The following PLEKHG4B variants were observed in gnomAD, a reference collection of about 807,000 sequenced individuals.
The protein encoded by PLEKHG4B is pleckstrin homology domain-containing family G member 4B.
PLEKHG4B carries 111 observed loss-of-function variants against 121.3 expected under a neutral mutation model. That is an observed-to-expected ratio of 0.92 (90% confidence interval 0.78 to 1.07). The LOEUF (loss-of-function observed/expected upper bound fraction) is 1.07, where lower values mean the gene tolerates loss of function less well. Among genes scored for constraint, PLEKHG4B ranks in the 50% least tolerant of loss-of-function variants. The pLI, the probability that PLEKHG4B is intolerant of heterozygous loss-of-function variation, is 0.00. For missense variants in PLEKHG4B, 1,831 were observed against 1,757.8 expected, an observed-to-expected ratio of 1.04 and a Z score of -0.74; for synonymous variants, 738 against 725.0, an observed-to-expected ratio of 1.02 and a Z score of -0.29.
At position 163,228 on chromosome 5, in the gene PLEKHG4B, C is replaced by T; in HGVS notation, c.3156C>T (p.His1052=). 1 of 1,605,400 alleles carries T rather than the reference C, an allele frequency of 6.2e-7. No homozygotes were observed. Among genetic ancestry groups the T allele is most frequent in the Non-Finnish European group, 8.5e-7 (1 of 1,176,250 alleles). ...GLPGAGATTA[H]LEDSSACSSE... is the part of the protein sequence containing the mutation. ...CAGGGGCAGGGGCCACCACGGCCCA[C>T]CTGGAGGACAGCTCTGCCTGTTCCT... Residue 1052 remains histidine (H), a synonymous_variant, in exon 13 of 20, where the codon CAC becomes CAT. Coordinates refer to ENST00000637938, the MANE Select transcript of PLEKHG4B (RefSeq NM_052909.5).
intron 17 of PLEKHG4B, 120 bp downstream of exon 17, chr5:173,187 G>A (rs773617239): frequency 1.3e-5 from 12 of 938,068 alleles, no homozygotes; most frequent in South Asian, 3.3e-5. Flanking sequence ...GGGAGGAGCC[G>A]CACTGCGATG....
chr5:155,504 G>T, intron 9 of PLEKHG4B, 61 bp downstream of exon 9: 2 of 1,299,354 alleles, frequency 1.5e-6, no homozygotes, highest in East Asian at 2.3e-5. Flanking sequence ...GGGCATAAAG[G>T]TTAGCCAAAC....
chr5:162,153 G>C (rs928987175), intron 12 of PLEKHG4B, among the ~76,000 whole-genome samples: 3 of 152,246 alleles, frequency 2.0e-5, no homozygotes, highest in African/African-American at 7.2e-5. Context: ...GTACCAAACA[G>C]ACCAGCCAAA....
At position 182,207 on chromosome 5, in the gene PLEKHG4B, G is replaced by A. The variant is rs1429412876; in HGVS notation, c.4768G>A (p.Asp1590Asn). ...CCCTGCCCACAGCCCCTGGTCATCT[G>A]ATATCAGAGCCTGCGTCGAGGAAGA... The part of the protein sequence containing the change: ...WSPAHSPWSS[D>N]IRACVEEDEP... The change falls in exon 20 of 20, where the codon GAT (aspartate) becomes AAT (asparagine). Residue 1590 changes from aspartate (D) to asparagine (N), a missense_variant. Asp to Asn is a conservative substitution (Grantham distance 23). Transcript: ENST00000637938. 1 of 1,613,800 alleles carries A rather than the reference G, an allele frequency of 6.2e-7. No homozygotes were observed. The highest frequency in any genetic ancestry group is 1.3e-5 in the African/African-American group (1 of 74,928).
chr5:132,414 T>C (rs1560914882), intron 2 of PLEKHG4B, among the ~76,000 whole-genome samples: 1 of 152,220 alleles, frequency 6.6e-6, no homozygotes, highest in Non-Finnish European at 1.5e-5. Flanking sequence ...CATCTATTTA[T>C]CTTTGTTTTT....
At chr5:118,381 C>T (rs749520220) in intron 2 of PLEKHG4B, among the ~76,000 whole-genome samples, 4 of 152,178 alleles carry the variant, frequency 2.6e-5, no homozygotes, top group Admixed American at 1.3e-4. Context: ...ATGGGGCATA[C>T]GTAGAGTGCT....
At chr5:136,386 T>C (rs6893287) in intron 2 of PLEKHG4B, among the ~76,000 whole-genome samples, 27,839 of 152,134 alleles carry the variant, frequency 0.18, 3,472 homozygotes, top group African/African-American at 0.35. Flanking sequence ...AAAAGCAGCC[T>C]TCAAAATGAG....
At chr5:150,152 C>T (rs1001465314) in intron 6 of PLEKHG4B, among the ~76,000 whole-genome samples, 3 of 152,208 alleles carry the variant, frequency 2.0e-5, no homozygotes, top group Non-Finnish European at 4.4e-5. Flanking sequence ...AAAATGTGGC[C>T]TATCTTTACG....
intron 11 of PLEKHG4B, 128 bp from the exon 12 acceptor site, chr5:161,643 GAGAATGAGAGGC>G: frequency 2.9e-6 from 3 of 1,040,340 alleles, no homozygotes; most frequent in Non-Finnish European, 4.3e-6. Context: ...GCCTGCTCTC[GAGAATGAGAGGC>G]AGCAGCAGGC....
intron 14 of PLEKHG4B, among the ~76,000 whole-genome samples, chr5:170,805 C>T (rs72720467): frequency 0.1 from 15,547 of 152,062 alleles, 954 homozygotes; most frequent in Non-Finnish European, 0.12. Context: ...AGACAAATTA[C>T]AGAATTCTCA....
intron 2 of PLEKHG4B, among the ~76,000 whole-genome samples, chr5:115,620 G>T (rs1190105724): frequency 6.6e-6 from 1 of 152,210 alleles, no homozygotes; most frequent in Non-Finnish European, 1.5e-5. Flanking sequence ...TTCATCAATG[G>T]TCTTAGCCAG....
In PLEKHG4B at chr5:142,831, C is replaced by A. The variant is rs567241701; in HGVS notation, c.1478-216C>A. Among the ~76,000 whole-genome samples the A allele has an allele frequency of 3.9e-5, 6 of 152,322 alleles. No individual in the cohort carries two copies. In the South Asian group the frequency reaches 8.3e-4, roughly 21 times the overall value. ...GAGCATGTCTGTGAGCTGGAGACTC[C>A]GTCTCCGTGATGACGCCGCGTGTCC... On this transcript the variant is annotated intron_variant, in intron 3 of 19. Transcript: ENST00000637938.
intron 6 of PLEKHG4B, among the ~76,000 whole-genome samples, chr5:145,532 T>G (rs1735379199): frequency 6.6e-6 from 1 of 152,230 alleles, no homozygotes; most frequent in African/African-American, 2.4e-5. Context: ...GGCTAATTTT[T>G]TGTATGTTTA....
At chr5:94,285 G>A (rs913663177) in intron 1 of PLEKHG4B, among the ~76,000 whole-genome samples, 2 of 152,246 alleles carry the variant, frequency 1.3e-5, no homozygotes, top group Admixed American at 1.3e-4. Flanking sequence ...ACACCTGGCA[G>A]GGCAGGTGCT....
In PLEKHG4B at chr5:143,199, A is replaced by G. The variant is rs772363055; in HGVS notation, c.1630A>G (p.Lys544Glu). The G allele has an allele frequency of 1.9e-6, 3 of 1,611,570 alleles. No individual in the cohort carries two copies. Among genetic ancestry groups the G allele is most frequent in the Middle Eastern group, 1.6e-4 (1 of 6,062 alleles). ...AGGAGACTTCCCCAGCCAGGTGCCC[A>G]AGCAGGTGCTGGACGTCAGTCAGGA... ...GTGDFPSQVP[K>E]QVLDVSQELL... The change falls in exon 4 of 20, where the codon AAG becomes GAG. Residue 544 changes from lysine (K) to glutamate (E), a missense_variant. Lys to Glu is a moderately conservative substitution (Grantham distance 56). Transcript: ENST00000637938.
At position 183,318 on chromosome 5, in the gene PLEKHG4B, C is replaced by T. The variant is rs948941556; in HGVS notation, c.*995C>T. On this transcript the variant is annotated 3_prime_UTR_variant, in exon 20 of 20. Transcript: ENST00000637938. ...GCAAGGTAAACTCACAGTGCCTGAC[C>T]TCGGAGTGCCAGGCGTGCAGAGGAG... 6.6e-6 allele frequency: 1 copy of T among 152,226 alleles called. No individual in the cohort carries two copies. The highest frequency in any genetic ancestry group is 1.5e-5 in the Non-Finnish European group (1 of 68,066). 9.4% of individuals were successfully genotyped at this position (152,226 alleles called of 1,614,324 possible).
intron 17 of PLEKHG4B, among the ~76,000 whole-genome samples, chr5:173,463 G>A (rs559535600): frequency 6.6e-6 from 1 of 152,234 alleles, no homozygotes; most frequent in Non-Finnish European, 1.5e-5. Flanking sequence ...CTGAGGGAGG[G>A]GAGGTCCCTC....
intron 19 of PLEKHG4B, 131 bp from the exon 20 acceptor site, chr5:181,873 G>T: frequency 1.5e-6 from 2 of 1,294,742 alleles, no homozygotes; most frequent in Non-Finnish European, 2.2e-6. Context: ...TGGCCGACAT[G>T]GTGGGTTGGA....
chr5:178,508 T>A (rs369167863), intron 18 of PLEKHG4B, among the ~76,000 whole-genome samples: 2 of 152,236 alleles, frequency 1.3e-5, no homozygotes, highest in South Asian at 2.1e-4. Context: ...AGATTTTTTA[T>A]ATCCTTATTG....
Sources: gnomAD v4.1 joint callset for allele counts (sites outside exome capture counted in the v4.1 genomes callset) on GRCh38, gnomAD v4.1.1 for gene constraint, MANE v1.5 for transcripts, NCBI Gene and HGNC (gene_info 2026-07-23, HGNC 2026-07-21) for gene names.